Variants in STXBP5L observed in about 807,000 individuals in gnomAD.
The protein encoded by STXBP5L is syntaxin-binding protein 5-like.
In STXBP5L, 65 loss-of-function variants were observed where a neutral mutation model predicts 144.5. The observed-to-expected ratio is 0.45, with a 90% CI of 0.37 to 0.55. The LOEUF (loss-of-function observed/expected upper bound fraction) is 0.55, where lower values mean the gene tolerates loss of function less well. Ranked by LOEUF, STXBP5L falls within the 20% of genes least tolerant of loss-of-function variation. The probability of loss-of-function intolerance (pLI) is 0.00; values close to 1 mark genes in which losing one functional copy is unlikely to be tolerated. For missense variants in STXBP5L, 1,298 were observed against 1,405.5 expected (o/e 0.92, Z 1.22); for synonymous variants, 505 against 469.6 (o/e 1.08, Z -0.97).
intron 20 of STXBP5L, among the ~76,000 whole-genome samples, chr3:121,323,014 G>A (rs551650887): frequency 1.3e-5 from 2 of 152,240 alleles, no homozygotes; most frequent in Non-Finnish European, 2.9e-5. Flanking sequence ...GTCTGTTCAT[G>A]TCTTTTGCCT....
rs1056530667 is a variant in STXBP5L at position 120,940,220 on chromosome 3, A to T, written c.190-14720A>T. ...TATTTATGTTTTTCAAATGTGATAC[A>T]GTATTAAGTTGCAATGTGTTTACAT... is the stretch of plus-strand genomic sequence containing the variant. On this transcript the variant is annotated intron_variant, in intron 2 of 26. Transcript: ENST00000471454. Among the ~76,000 whole-genome samples, 4 of 152,090 alleles carry T rather than the reference A, an allele frequency of 2.6e-5. No homozygotes were observed. The East Asian group carries it at 5.8e-4, about 22-fold the overall frequency.
At chr3:121,073,073 C>T (rs909709790) in intron 5 of STXBP5L, among the ~76,000 whole-genome samples, 1 of 152,256 alleles carries the variant, frequency 6.6e-6, no homozygotes, top group African/African-American at 2.4e-5. Context: ...GCCCGTCTGA[C>T]ACCTTCAGAT....
At chr3:121,004,025 C>A in intron 3 of STXBP5L, among the ~76,000 whole-genome samples, 1 of 151,964 alleles carries the variant, frequency 6.6e-6, no homozygotes, top group Non-Finnish European at 1.5e-5. Flanking sequence ...ATTGACTTGG[C>A]AATGCAGGCT....
intron 20 of STXBP5L, among the ~76,000 whole-genome samples, chr3:121,362,796 C>G (rs1576289028): frequency 6.6e-6 from 1 of 151,980 alleles, no homozygotes; most frequent in Non-Finnish European, 1.5e-5. Flanking sequence ...TTTTCTCAAG[C>G]AGAAGGAGTT....
chr3:121,422,297 C>G lies in STXBP5L; in HGVS notation c.*3200C>G, dbSNP rs941593753. 5 of 152,178 alleles carry G rather than the reference C, an allele frequency of 3.3e-5. No individual in the cohort carries two copies. The highest frequency in any genetic ancestry group is 1.2e-4 in the African/African-American group (5 of 41,446). 9.4% of individuals were successfully genotyped at this position (152,178 alleles called of 1,614,324 possible). ...AGTGACTCTGAGCCTTAGTTACCATCAAAATTACATTCTATCTGCTAAAGC... is the reference window on the plus strand; with the variant it reads ...AGTGACTCTGAGCCTTAGTTACCATGAAAATTACATTCTATCTGCTAAAGC... On this transcript the variant is annotated 3_prime_UTR_variant, in exon 27 of 27. Coordinates refer to ENST00000471454, the MANE Select transcript of STXBP5L (RefSeq NM_001308330.2).
intron 5 of STXBP5L, among the ~76,000 whole-genome samples, chr3:121,062,954 G>A (rs1041140842): frequency 6.6e-6 from 1 of 152,212 alleles, no homozygotes; most frequent in Middle Eastern, 3.4e-3. Flanking sequence ...GTTAAAACAT[G>A]CTCCTTTAGC....
At chr3:120,984,897 C>G (rs1189362645) in intron 3 of STXBP5L, among the ~76,000 whole-genome samples, 2 of 151,718 alleles carry the variant, frequency 1.3e-5, no homozygotes, top group African/African-American at 4.8e-5. Context: ...TTGTCAAATG[C>G]TTTTTCTACA....
chr3:121,021,407 A>C (rs892002193), intron 3 of STXBP5L, among the ~76,000 whole-genome samples: 2 of 152,174 alleles, frequency 1.3e-5, no homozygotes, highest in East Asian at 3.9e-4. Context: ...TATACCCTAG[A>C]ACAAATGGAT....
At chr3:120,924,653 G>C (rs1709517475) in intron 2 of STXBP5L, 1 of 152,144 alleles carries the variant, frequency 6.6e-6, no homozygotes, top group African/African-American at 2.4e-5. Context: ...CCTGTTGTTG[G>C]TAATCCATTT....
intron 3 of STXBP5L, among the ~76,000 whole-genome samples, chr3:120,974,094 C>G (rs1215383334): frequency 1.3e-5 from 2 of 152,124 alleles, no homozygotes; most frequent in Admixed American, 1.3e-4. Flanking sequence ...ATTTCTAGTT[C>G]TAGATCCCTG....
intron 3 of STXBP5L, among the ~76,000 whole-genome samples, chr3:120,979,248 A>G (rs1304639642): frequency 1.3e-5 from 2 of 152,130 alleles, no homozygotes; most frequent in Admixed American, 1.3e-4. Context: ...AGCCTGGGCA[A>G]TGGCAGGTGC....
At chr3:121,330,325 G>T (rs2044284102) in intron 20 of STXBP5L, among the ~76,000 whole-genome samples, 1 of 152,072 alleles carries the variant, frequency 6.6e-6, no homozygotes, top group African/African-American at 2.4e-5. Context: ...GATTCTTCTG[G>T]GAAGCAGAGG....
At chr3:121,088,020 C>T (rs2042584578) in intron 5 of STXBP5L, among the ~76,000 whole-genome samples, 1 of 151,988 alleles carries the variant, frequency 6.6e-6, no homozygotes, top group South Asian at 2.1e-4. Flanking sequence ...CCACATCAGA[C>T]TATGTTATTT....
chr3:121,035,950 C>G lies in STXBP5L; in HGVS notation c.288-5750C>G, dbSNP rs998677219. 3.9e-5 allele frequency among the ~76,000 whole-genome samples: 6 copies of G among 152,140 alleles called. No homozygotes were observed. The South Asian group carries it at 1.0e-3, about 26-fold the overall frequency. On this transcript the variant is annotated intron_variant, in intron 3 of 26. Coordinates refer to ENST00000471454, the MANE Select transcript of STXBP5L (RefSeq NM_001308330.2). The stretch of plus-strand genomic sequence containing the variant: ...AGGTCTTAAAACATCTTTTGTTAAA[C>G]TTATTCCAAAGTATTTCTTGGTGCT...
At chr3:121,024,337 G>A (rs1024894077) in intron 3 of STXBP5L, among the ~76,000 whole-genome samples, 1 of 152,162 alleles carries the variant, frequency 6.6e-6, no homozygotes, top group African/African-American at 2.4e-5. Flanking sequence ...TATGCCATTA[G>A]GGAATTAGGA....
chr3:121,183,197 G>A (rs2047228812), intron 9 of STXBP5L, among the ~76,000 whole-genome samples: 1 of 152,012 alleles, frequency 6.6e-6, no homozygotes, highest in African/African-American at 2.4e-5. Context: ...TACTGAATAG[G>A]GAAAAGATGA....
intron 4 of STXBP5L, 106 bp downstream of exon 4, chr3:121,041,887 T>TTTAA: frequency 1.4e-6 from 1 of 703,022 alleles, no homozygotes; most frequent in Non-Finnish European, 2.5e-6. Context: ...TAAATATATA[T>TTTAA]GCATGCAATA....
At chr3:121,276,143 A>T in intron 18 of STXBP5L, among the ~76,000 whole-genome samples, 1 of 146,524 alleles carries the variant, frequency 6.8e-6, no homozygotes. Context: ...ATTCTATTTT[A>T]ACTTCATTAT....
chr3:120,967,033 C>T (rs892613332), intron 3 of STXBP5L, among the ~76,000 whole-genome samples: 6 of 152,042 alleles, frequency 3.9e-5, no homozygotes, highest in Non-Finnish European at 7.4e-5. Context: ...GCCAGGCTGC[C>T]GCTTGGCAGA....
Sources: gnomAD v4.1 joint callset for allele counts (sites outside exome capture counted in the v4.1 genomes callset) on GRCh38, gnomAD v4.1.1 for gene constraint, MANE v1.5 for transcripts, NCBI Gene and HGNC (gene_info 2026-07-23, HGNC 2026-07-21) for gene names.